The following SPRYD3 variants were observed in gnomAD, a reference collection of about 807,000 sequenced individuals.
SPRYD3 encodes SPRY domain containing 3.
A neutral mutation model predicts 50.1 loss-of-function variants in SPRYD3; 17 were observed. The ratio of observed to expected loss-of-function variants is 0.34; its 90% CI spans 0.23 to 0.51. The LOEUF (loss-of-function observed/expected upper bound fraction) is 0.51. Ranked by LOEUF, SPRYD3 falls within the 20% of genes least tolerant of loss-of-function variation. The pLI, the probability that SPRYD3 is intolerant of heterozygous loss-of-function variation, is 0.97. For missense variants in SPRYD3, 401 were observed against 591.2 expected, an observed-to-expected ratio of 0.68 and a Z score of 3.34; for synonymous variants, 198 against 215.5, an observed-to-expected ratio of 0.92 and a Z score of 0.71.
chr12:53,075,880 C>A, intron 2 of SPRYD3, 69 bp from the exon 3 acceptor site: 1 of 1,250,780 alleles, frequency 8.0e-7, no homozygotes, highest in Non-Finnish European at 1.2e-6. Flanking sequence ...GCCTCAGCTT[C>A]TCCCACCCTT....
intron 10 of SPRYD3, 57 bp from the exon 11 acceptor site, chr12:53,066,023 G>A: frequency 1.3e-6 from 2 of 1,578,600 alleles, no homozygotes; most frequent in Non-Finnish European, 8.6e-7. Flanking sequence ...CTTCCCTGAG[G>A]ATGCTGGAGC....
At chr12:53,076,826 G>A (rs1315015582) in intron 2 of SPRYD3, among the ~76,000 whole-genome samples, 2 of 152,128 alleles carry the variant, frequency 1.3e-5, no homozygotes, top group Non-Finnish European at 2.9e-5. Context: ...GTGCACGCCT[G>A]TAATCCCAGC....
chr12:53,077,992 C>T (rs942215176), intron 1 of SPRYD3: 12 of 358,484 alleles, frequency 3.3e-5, no homozygotes, highest in Middle Eastern at 8.6e-4. Context: ...CCAGACCAGC[C>T]TGGGCAACGT....
chr12:53,076,838 A>C (rs1323723022), intron 2 of SPRYD3, among the ~76,000 whole-genome samples: 1 of 152,086 alleles, frequency 6.6e-6, no homozygotes, highest in African/African-American at 2.4e-5. Flanking sequence ...AATCCCAGCT[A>C]CTTGGGAAGC....
At position 53,074,011 on chromosome 12, in the gene SPRYD3, C is replaced by G. The variant is rs1022120588; in HGVS notation, c.508-540G>C. ...AGACAAACACAAGTCTCCTGACTTGCTGCCAAATACTTTCAGTACGTGTGC... is the reference window on the plus strand; with the variant it reads ...AGACAAACACAAGTCTCCTGACTTGGTGCCAAATACTTTCAGTACGTGTGC... On this transcript the variant is annotated intron_variant, in intron 5 of 10. Transcript: ENST00000301463. The surrounding 1 kb of genome is among the most constrained non-coding windows in gnomAD (Gnocchi z 4.6). Among the ~76,000 whole-genome samples, 3 of 152,068 alleles carry G rather than the reference C, an allele frequency of 2.0e-5. No homozygotes were observed. The highest frequency in any genetic ancestry group is 4.4e-5 in the Non-Finnish European group (3 of 68,026).
chr12:53,069,539 T>C (rs754558053), intron 6 of SPRYD3, among the ~76,000 whole-genome samples: 18 of 152,054 alleles, frequency 1.2e-4, no homozygotes, highest in Non-Finnish European at 2.5e-4. Context: ...CTTCTGAGAG[T>C]AGGACTAGAG....
chr12:53,073,256 G>GCCCCCGGGGGGGGGGGGGCCCCCC, intron 6 of SPRYD3, 30 bp downstream of exon 6: 2 of 424,134 alleles, frequency 4.7e-6, no homozygotes, highest in Non-Finnish European at 4.4e-6. Flanking sequence ...CTCCGACCCA[G>GCCCCCGGGGGGGGGGGGGCCCCCC]CCCCTCCCAC....
chr12:53,077,027 G>GA, intron 2 of SPRYD3, 88 bp downstream of exon 2: 6 of 1,389,134 alleles, frequency 4.3e-6, no homozygotes, highest in South Asian at 1.3e-5. Flanking sequence ...CCCCTTCTCT[G>GA]AAAAAATAAA....
chr12:53,074,945 G>T lies in SPRYD3; in HGVS notation c.371+150C>A. 7.4e-7 allele frequency: 1 copy of T among 1,343,964 alleles called. No individual in the cohort carries two copies. Among genetic ancestry groups the T allele is most frequent in the Non-Finnish European group, 1.0e-6 (1 of 957,400 alleles). The allele number at this position is 1,343,964 out of a possible 1,614,324, so 83.3% of individuals were successfully genotyped here. On this transcript the variant is annotated intron_variant, in intron 4 of 10. Transcript: ENST00000301463. This position sits in a 1 kb window ranked among gnomAD's most constrained non-coding sequence, Gnocchi z 4.6. ...AGCATCACCCTCCTCTAGTCTGTAA[G>T]CCTTCAAGGGTGCTGCCAGGCCACT... is the stretch of plus-strand genomic sequence containing the variant.
At chr12:53,068,113 T>C in intron 7 of SPRYD3, 42 bp downstream of exon 7, 1 of 1,612,606 alleles carries the variant, frequency 6.2e-7, no homozygotes, top group African/African-American at 1.3e-5. Context: ...GCCCCAGACC[T>C]GAGCAGCTCC....
rs371392852 is a variant in SPRYD3, at chr12:53,068,308, TG to T, written c.694-5del. The stretch of plus-strand genomic sequence containing the variant: ...CCTTCCCTAAGTACTCCAGCAGCTG[TG>T]GGGGAAGAGCCAGATGGGGGTCAGG... On this transcript the variant is annotated splice_polypyrimidine_tract_variant and splice_region_variant and intron_variant, in intron 6 of 10. Transcript: ENST00000301463. 1 of 1,613,588 alleles carries T rather than the reference TG, an allele frequency of 6.2e-7. No individual in the cohort carries two copies. The highest frequency in any genetic ancestry group is 1.6e-4 in the Middle Eastern group (1 of 6,062).
chr12:53,067,152 G>A lies in SPRYD3; in HGVS notation c.902-460C>T, dbSNP rs550023005. On this transcript the variant is annotated intron_variant, in intron 8 of 10. Transcript: ENST00000301463. ...AAAATTGGAGCGAGATATATGGGAA[G>A]GGGGCACCAAATAAAATAAAGAGAC... Among the ~76,000 whole-genome samples the A allele has an allele frequency of 1.3e-4, 19 of 151,250 alleles. No individual in the cohort carries two copies. The South Asian group carries it at 3.6e-3, about 28-fold the overall frequency.
At chr12:53,066,532 C>T (rs746351264) in intron 9 of SPRYD3, 41 bp downstream of exon 9, 14 of 1,613,984 alleles carry the variant, frequency 8.7e-6, no homozygotes, top group East Asian at 6.7e-5. Context: ...TTTCCACCCT[C>T]GGCCCCAAGC....
At chr12:53,067,510 G>T in intron 8 of SPRYD3, 138 bp downstream of exon 8, 1 of 753,090 alleles carries the variant, frequency 1.3e-6, no homozygotes, top group Non-Finnish European at 2.3e-6. Context: ...AAGCACTAGC[G>T]ATTTGGGAAG....
At chr12:53,077,049 A>C in intron 2 of SPRYD3, 66 bp downstream of exon 2, 1 of 1,542,040 alleles carries the variant, frequency 6.5e-7, no homozygotes, top group African/African-American at 1.4e-5. Flanking sequence ...GTTAAAAAAA[A>C]AAAACCCTTT....
At chr12:53,067,109 CA>C (rs146264495) in intron 8 of SPRYD3, among the ~76,000 whole-genome samples, 14,713 of 61,086 alleles carry the variant, frequency 0.24, 822 homozygotes, top group African/African-American at 0.4. Flanking sequence ...GACTCCATCT[CA>C]AAAAAAAAAA....
At chr12:53,072,328 C>T (rs1944555754) in intron 6 of SPRYD3, among the ~76,000 whole-genome samples, 1 of 152,128 alleles carries the variant, frequency 6.6e-6, no homozygotes, top group Admixed American at 6.5e-5. Flanking sequence ...TCCCTGAGTT[C>T]CACTCCACCA....
rs140198811 is a variant in SPRYD3, at chr12:53,078,874, G to A, written c.23+437C>T. Among the ~76,000 whole-genome samples the A allele has an allele frequency of 2.8e-3, 433 of 152,256 alleles. 3 individuals are homozygous for A. The highest frequency in any genetic ancestry group is 9.5e-3 in the African/African-American group (393 of 41,562). On this transcript the variant is annotated intron_variant, in intron 1 of 10. Transcript: ENST00000301463. The stretch of plus-strand genomic sequence containing the variant: ...GCTGGGCTGAATTTGATCCCAATAC[G>A]CAAATTACGACTCTTATGCAGTAGC...
rs1233142153 is a variant in SPRYD3 at position 53,074,081 on chromosome 12, C to T, written c.507+568G>A. 6.6e-6 allele frequency among the ~76,000 whole-genome samples: 1 copy of T among 152,110 alleles called. No individual in the cohort carries two copies. The highest frequency in any genetic ancestry group is 6.5e-5 in the Admixed American group (1 of 15,276). ...GCGCAGATGCTAAGGCAGCAGGACC[C>T]CTTGGCCAAGGCCTGAGAAACCAAT... On this transcript the variant is annotated intron_variant, in intron 5 of 10. Transcript: ENST00000301463. The surrounding 1 kb of genome is among the most constrained non-coding windows in gnomAD (Gnocchi z 4.6).
Sources: gnomAD v4.1 joint callset for allele counts (sites outside exome capture counted in the v4.1 genomes callset) on GRCh38, gnomAD v4.1.1 for gene constraint, Gnocchi (gnomAD v3.1) non-coding constraint, MANE v1.5 for transcripts, NCBI Gene and HGNC (gene_info 2026-07-23, HGNC 2026-07-21) for gene names.